Variants in SLC16A6 observed in about 807,000 individuals in gnomAD.
The protein encoded by SLC16A6 is solute carrier family 16 member 6.
SLC16A6 carries 15 observed loss-of-function variants against 33.8 expected under a neutral mutation model. The ratio of observed to expected loss-of-function variants is 0.44; its 90% CI spans 0.30 to 0.68. The LOEUF is 0.68. SLC16A6 is among the 30% of genes least tolerant of loss of function. The pLI is 0.10. For synonymous variants in SLC16A6, 219 were observed against 248.4 expected, an observed-to-expected ratio of 0.88 and a Z score of 1.11; for missense variants, 451 against 661.5, an observed-to-expected ratio of 0.68 and a Z score of 3.49.
At chr17:68,272,798 G>T (rs1354374959) in intron 3 of SLC16A6, 31 bp from the exon 4 acceptor site, 1 of 1,612,106 alleles carries the variant, frequency 6.2e-7, no homozygotes, top group African/African-American at 1.3e-5. Flanking sequence ...AAGCCAATGA[G>T]ACCCACATAC....
Position 68,269,116 on chromosome 17 carries a change from C to G in SLC16A6, c.1552G>C (p.Val518Leu), listed in dbSNP as rs782052199. 4.0e-6 allele frequency: 6 copies of G among 1,515,664 alleles called. No individual in the cohort carries two copies. The African/African-American group carries it at 4.2e-5, about 11-fold the overall frequency. The allele number at this position is 1,515,664 out of a possible 1,614,324, so 93.9% of individuals were successfully genotyped here. ...DLAKNEHRVH[V>L]QMEPV is the part of the protein sequence containing the mutation. Reference sequence around the variant, plus strand: ...GTGTGTCATACCGGCTCCATTTGCACGTGAACTCTGTGCTCATTTTTTGCA... The same window carrying G: ...GTGTGTCATACCGGCTCCATTTGCAGGTGAACTCTGTGCTCATTTTTTGCA... The change falls in exon 6 of 6, where the codon GTG (valine) becomes CTG (leucine). Residue 518 changes from valine (V) to leucine (L), a missense_variant. Physicochemically the swap from Val to Leu is conservative, Grantham distance 32. Around this residue, in one of 2 missense-constraint regions of SLC16A6, gnomAD observed 46 missense variants for 150.8 expected, o/e 0.31. Transcript: ENST00000580666.
chr17:68,290,882 G>A (rs1361388938), intron 1 of SLC16A6, among the ~76,000 whole-genome samples: 2 of 150,178 alleles, frequency 1.3e-5, no homozygotes, highest in African/African-American at 4.9e-5. Context: ...ACCCACACCG[G>A]CGCGAGCGCG....
In SLC16A6 at chr17:68,267,065, A is replaced by G. The variant is rs555727208; in HGVS notation, c.*2031T>C. 6.6e-6 allele frequency: 1 copy of G among 152,312 alleles called. No individual in the cohort carries two copies. Among genetic ancestry groups the G allele is most frequent in the South Asian group, 2.1e-4 (1 of 4,828 alleles). 9.4% of individuals were successfully genotyped at this position (152,312 alleles called of 1,614,324 possible). A position where few individuals can be genotyped will look rare whatever the true frequency, so the allele number is the denominator to read the frequency against. On this transcript the variant is annotated 3_prime_UTR_variant, in exon 6 of 6. Transcript: ENST00000580666. ...AAATCCATAAATTTATTGCAAATCT[A>G]GAAGTACCAGAATGTCACTAATACA...
rs1555748284 is a variant in SLC16A6 at position 68,270,950 on chromosome 17, T to C, written c.1210A>G (p.Ile404Val). The C allele has an allele frequency of 6.2e-7, 1 of 1,614,212 alleles. No homozygotes were observed. The highest frequency in any genetic ancestry group is 1.1e-5 in the South Asian group (1 of 91,082). ...ACATCATCCTCAGCAAGCAGTGGAA[T>C]GTGAGTCCCTCCTATTGTTCCAACC... is the stretch of plus-strand genomic sequence containing the variant. ...FMVGTIGGTH[I>V]PLLAEDDVVG... Residue 404 changes from isoleucine to valine, a missense_variant, in exon 5 of 6, where the codon ATT (isoleucine) becomes GTT (valine). Ile to Val is a conservative substitution (Grantham distance 29). Transcript: ENST00000580666.
chr17:68,284,715 G>A (rs559569098), intron 1 of SLC16A6, among the ~76,000 whole-genome samples: 15 of 152,166 alleles, frequency 9.9e-5, no homozygotes, highest in Admixed American at 2.6e-4. Context: ...TACTGATAGC[G>A]CCATTCCCAC....
chr17:68,273,821 AAAAG>A, intron 3 of SLC16A6, 102 bp downstream of exon 3: 3 of 1,383,080 alleles, frequency 2.2e-6, no homozygotes, highest in Non-Finnish European at 3.0e-6. Flanking sequence ...GTTAAAGAAA[AAAAG>A]AAAGAGAAAG....
intron 2 of SLC16A6, among the ~76,000 whole-genome samples, chr17:68,274,721 A>G (rs1555750338): frequency 6.6e-6 from 1 of 150,832 alleles, no homozygotes; most frequent in Admixed American, 6.6e-5. Context: ...TTTTTTCTCT[A>G]CTCACTACTT....
At chr17:68,288,977 G>A (rs2075904488) in intron 1 of SLC16A6, among the ~76,000 whole-genome samples, 1 of 152,172 alleles carries the variant, frequency 6.6e-6, no homozygotes, top group South Asian at 2.1e-4. Context: ...TGTTCTTCTG[G>A]AGGAAGTACA....
At chr17:68,276,158 A>G (rs938658223) in intron 2 of SLC16A6, among the ~76,000 whole-genome samples, 1 of 150,940 alleles carries the variant, frequency 6.6e-6, no homozygotes, top group Non-Finnish European at 1.5e-5. Context: ...CAGTGGCACA[A>G]TCTCAGCTCA....
rs1201963376 is a variant in SLC16A6, at chr17:68,268,253, TTAA to T, written c.*840_*842del. The T allele has an allele frequency of 6.6e-6, 1 of 152,592 alleles. No homozygotes were observed. The highest frequency in any genetic ancestry group is 6.6e-5 in the Admixed American group (1 of 15,262). 9.5% of individuals were successfully genotyped at this position (152,592 alleles called of 1,614,324 possible). A position where few individuals can be genotyped will look rare whatever the true frequency, so the allele number is the denominator to read the frequency against. On this transcript the variant is annotated 3_prime_UTR_variant, in exon 6 of 6. Transcript: ENST00000580666. ...ATTACTTTAATCATCCTAGAATAAC[TTAA>T]TAATAAATAGCGGTTTAAATTAAAG...
chr17:68,274,683 A>G (rs1239498609), intron 2 of SLC16A6: 1 of 152,222 alleles, frequency 6.6e-6, no homozygotes, highest in East Asian at 1.9e-4. Context: ...TATAATAAAA[A>G]TTGGTTTTCC....
rs1555748426 is a variant in SLC16A6 at position 68,271,131 on chromosome 17, T to G, written c.1029A>C (p.Gly343=). ...TGAGGACAAAACCAGCTCCGATCCT[T>G]CCGAAAACTTCTGCAATGGCCATCG... is the stretch of plus-strand genomic sequence containing the variant. ...LSTMAIAEVF[G]RIGAGFVLNR... The change falls in exon 5 of 6, where the codon GGA becomes GGC. Residue 343 remains glycine (G), a synonymous_variant. Transcript: ENST00000580666. The surrounding 1 kb of genome is among the most constrained non-coding windows in gnomAD (Gnocchi z 5.3). 6.2e-7 allele frequency: 1 copy of G among 1,614,108 alleles called. No individual in the cohort carries two copies. Among genetic ancestry groups the G allele is most frequent in the Non-Finnish European group, 8.5e-7 (1 of 1,180,018 alleles).
chr17:68,283,105 T>C (rs2075749482), intron 1 of SLC16A6: 1 of 152,170 alleles, frequency 6.6e-6, no homozygotes, highest in South Asian at 2.1e-4. Context: ...CTTGCCTGAA[T>C]GACAGAGCAA....
intron 1 of SLC16A6, chr17:68,283,156 T>A (rs1398855837): frequency 1.3e-5 from 2 of 151,840 alleles, no homozygotes; most frequent in African/African-American, 4.8e-5. Context: ...TTGGCTGGCG[T>A]GGTGGCTCAC....
rs147607734 is a variant in SLC16A6 at position 68,279,470 on chromosome 17, C to T, written c.-7-1143G>A. ...GAGTTTGTTAAGCAGGAGTAATTTC[C>T]TCAAAGTTGACCACCACTTAGTATA... On this transcript the variant is annotated intron_variant, in intron 1 of 5. Transcript: ENST00000580666. Among the ~76,000 whole-genome samples, 301 of 152,214 alleles carry T rather than the reference C, an allele frequency of 2.0e-3. 5 individuals are homozygous for T. Among genetic ancestry groups the T allele is most frequent in the Middle Eastern group, 0.017 (5 of 294 alleles).
At chr17:68,279,577 C>T (rs1413603790) in intron 1 of SLC16A6, among the ~76,000 whole-genome samples, 3 of 152,114 alleles carry the variant, frequency 2.0e-5, no homozygotes, top group Admixed American at 6.6e-5. Flanking sequence ...GCCTGTAGGG[C>T]CCCATCTGGA....
chr17:68,273,451 G>A (rs534444766), intron 3 of SLC16A6, among the ~76,000 whole-genome samples: 1 of 152,128 alleles, frequency 6.6e-6, no homozygotes, highest in African/African-American at 2.4e-5. Flanking sequence ...AAACTGCTGG[G>A]CTCACGTGAT....
In SLC16A6 at chr17:68,271,068, G is replaced by A. The variant is rs782504037; in HGVS notation, c.1092C>T (p.Ile364=). 1 of 1,614,190 alleles carries A rather than the reference G, an allele frequency of 6.2e-7. No homozygotes were observed. Among genetic ancestry groups the A allele is most frequent in the Non-Finnish European group, 8.5e-7 (1 of 1,180,028 alleles). The change falls in exon 5 of 6, where the codon ATC becomes ATT. Residue 364 remains isoleucine (I), a synonymous_variant. Transcript: ENST00000580666. This position sits in a 1 kb window ranked among gnomAD's most constrained non-coding sequence, Gnocchi z 5.3. ...EPIRKIYIEL[I]CVILLTVSLF... ...GAGACACAGTCAATAAGATGACGCA[G>A]ATGAGCTCAATGTAAATCTTACGAA... is the stretch of plus-strand genomic sequence containing the variant.
intron 2 of SLC16A6, among the ~76,000 whole-genome samples, chr17:68,275,661 G>A (rs968140693): frequency 1.4e-4 from 22 of 152,012 alleles, no homozygotes; most frequent in Non-Finnish European, 2.9e-5. Flanking sequence ...TTCTAAGAAG[G>A]TAATTAAGCA....
Sources: gnomAD v4.1 joint callset for allele counts (sites outside exome capture counted in the v4.1 genomes callset) on GRCh38, gnomAD v4.1.1 for gene constraint, gnomAD v4.1.1 regional missense constraint, Gnocchi (gnomAD v3.1) non-coding constraint, MANE v1.5 for transcripts, NCBI Gene and HGNC (gene_info 2026-07-23, HGNC 2026-07-21) for gene names.